The following RIOK1 variants were observed in gnomAD, a reference collection of about 807,000 sequenced individuals.
RIOK1 encodes RIO kinase 1.
RIOK1 carries 66 observed loss-of-function variants against 73.5 expected under a neutral mutation model. The ratio of observed to expected loss-of-function variants is 0.90; its 90% CI spans 0.74 to 1.10. RIOK1 has a LOEUF of 1.10. Among genes scored for constraint, RIOK1 ranks in the 50% least tolerant of loss-of-function variants. The probability of loss-of-function intolerance (pLI) is 0.00; values close to 1 mark genes in which losing one functional copy is unlikely to be tolerated. For synonymous variants in RIOK1, 224 were observed against 226.8 expected (o/e 0.99, Z 0.11); for missense variants, 658 against 699.8 (o/e 0.94, Z 0.67).
At chr6:7,410,476 C>G (rs778472673) in intron 13 of RIOK1, 25 bp downstream of exon 13, 2 of 1,521,214 alleles carry the variant, frequency 1.3e-6, no homozygotes, top group Non-Finnish European at 1.8e-6. Context: ...CTATTCACAG[C>G]CTTTGGAAAC....
chr6:7,398,573 C>G, intron 4 of RIOK1, 125 bp from the exon 5 acceptor site: 1 of 676,284 alleles, frequency 1.5e-6, no homozygotes, highest in South Asian at 1.9e-5. Flanking sequence ...ACAATCATAT[C>G]ATAAAATCTG....
At chr6:7,404,331 G>T in intron 9 of RIOK1, 87 bp from the exon 10 acceptor site, 4 of 1,454,394 alleles carry the variant, frequency 2.8e-6, no homozygotes, top group Non-Finnish European at 3.8e-6. Context: ...CACATGATGA[G>T]TTGTAGAAGA....
At position 7,404,648 on chromosome 6, in the gene RIOK1, C is replaced by T. The variant is rs1318172486; in HGVS notation, c.992+93C>T. On this transcript the variant is annotated intron_variant, in intron 10 of 16. Transcript: ENST00000379834. ...ATCCCAATCCAAGAAGTCACACTAA[C>T]TTCTGAAGTTTTATTGTTGACTTCC... 2.1e-6 allele frequency: 3 copies of T among 1,450,930 alleles called. No individual in the cohort carries two copies. In the African/African-American group the frequency reaches 4.2e-5, roughly 20 times the overall value. 89.9% of individuals were successfully genotyped at this position (1,450,930 alleles called of 1,614,324 possible).
chr6:7,414,093 GTTTTGATGTTTCAGTACAGGATGTTAGT>G (rs1761945579), intron 15 of RIOK1, 117 bp from the exon 16 acceptor site: 1 of 651,062 alleles, frequency 1.5e-6, no homozygotes, highest in African/African-American at 1.9e-5. Context: ...TCATTCTGGT[GTTTTGATGTTTCAGTACAGGATGTTAGT>G]TTTTAACATA....
At chr6:7,402,343 G>A (rs1169537664) in intron 6 of RIOK1, among the ~76,000 whole-genome samples, 1 of 152,134 alleles carries the variant, frequency 6.6e-6, no homozygotes, top group African/African-American at 2.4e-5. Flanking sequence ...ATAGTCTTAC[G>A]GAATCACCTC....
intron 4 of RIOK1, among the ~76,000 whole-genome samples, chr6:7,397,543 A>G (rs371486861): frequency 2.2e-4 from 34 of 152,336 alleles, no homozygotes; most frequent in African/African-American, 7.5e-4. Flanking sequence ...TAAGATCTGA[A>G]TAACTTCTCT....
At chr6:7,413,695 T>C (rs1489335606) in intron 15 of RIOK1, among the ~76,000 whole-genome samples, 2 of 152,228 alleles carry the variant, frequency 1.3e-5, no homozygotes, top group Non-Finnish European at 2.9e-5. Flanking sequence ...TACAATTGAC[T>C]TCTAAAGATC....
At chr6:7,409,267 GTGTTT>G (rs1761828879) in intron 12 of RIOK1, among the ~76,000 whole-genome samples, 1 of 113,582 alleles carries the variant, frequency 8.8e-6, no homozygotes, top group African/African-American at 3.5e-5. Context: ...GTGTGTGTGT[GTGTTT>G]GAGATGGAGT....
chr6:7,401,170 A>G (rs957045208), intron 6 of RIOK1, 120 bp downstream of exon 6: 3 of 688,292 alleles, frequency 4.4e-6, no homozygotes, highest in Non-Finnish European at 7.6e-6. Flanking sequence ...ATACACATTA[A>G]TATTCATGGT....
intron 12 of RIOK1, among the ~76,000 whole-genome samples, chr6:7,409,949 C>T (rs2113525341): frequency 6.6e-6 from 1 of 152,274 alleles, no homozygotes; most frequent in South Asian, 2.1e-4. Context: ...TTCTTCAGTG[C>T]AGCAGCAATA....
Position 7,412,607 on chromosome 6 carries a change from G to A in RIOK1, c.1390-282G>A, listed in dbSNP as rs181460074. 4.8e-4 allele frequency among the ~76,000 whole-genome samples: 72 copies of A among 150,328 alleles called. No homozygotes were observed. In the East Asian group the frequency reaches 5.7e-3, roughly 12 times the overall value. On this transcript the variant is annotated intron_variant, in intron 14 of 16. Transcript: ENST00000379834. ...GTGGAGGTTGCAGTGAGCCAAGATC[G>A]CGCCACTGCACTCCAGCCTAGGCCA... is the stretch of plus-strand genomic sequence containing the variant.
rs1761719696 is a variant in RIOK1 at position 7,405,363 on chromosome 6, G to A, written c.1203+8G>A. 2 of 1,502,892 alleles carry A rather than the reference G, an allele frequency of 1.3e-6. No individual in the cohort carries two copies. The highest frequency in any genetic ancestry group is 1.4e-5 in the African/African-American group (1 of 72,716). 93.1% of individuals were successfully genotyped at this position (1,502,892 alleles called of 1,614,324 possible). On this transcript the variant is annotated splice_region_variant and intron_variant, in intron 12 of 16. Coordinates refer to ENST00000379834, the MANE Select transcript of RIOK1 (RefSeq NM_031480.3). ...GATGCTTATCTCTCAAAGGTAAGAT[G>A]GGGAGAGGAAGGAGGAATAGGAAAT...
Position 7,389,817 on chromosome 6 carries a change from G to T in RIOK1, c.-186G>T. 1.7e-6 allele frequency: 1 copy of T among 602,380 alleles called. No individual in the cohort carries two copies. Among genetic ancestry groups the T allele is most frequent in the Non-Finnish European group, 3.0e-6 (1 of 334,616 alleles). The allele number at this position is 602,380 out of a possible 1,614,324, so 37.3% of individuals were successfully genotyped here. A position where few individuals can be genotyped will look rare whatever the true frequency, so the allele number is the denominator to read the frequency against. On this transcript the variant is annotated 5_prime_UTR_variant, in exon 1 of 17. Coordinates refer to ENST00000379834, the MANE Select transcript of RIOK1 (RefSeq NM_031480.3). The stretch of plus-strand genomic sequence containing the variant: ...CGGGCGAGGCGGTGAGGGGCTTCCG[G>T]TTGGGGTGGCAGGGTGGTGGATCTG...
rs752665943 is a variant in RIOK1 at position 7,410,457 on chromosome 6, A to T, written c.1269+6A>T. The T allele has an allele frequency of 3.3e-5, 52 of 1,597,340 alleles. No homozygotes were observed. Among genetic ancestry groups the T allele is most frequent in the Non-Finnish European group, 3.9e-5 (45 of 1,165,704 alleles). ...AAGATCATGTGGATGAAGAGGTAGG[A>T]TTTATTATCTATTCACAGCCTTTGG... On this transcript the variant is annotated splice_donor_region_variant and intron_variant, in intron 13 of 16. Transcript: ENST00000379834.
intron 15 of RIOK1, 74 bp downstream of exon 15, chr6:7,413,016 T>C (rs1349378206): frequency 5.6e-6 from 4 of 709,230 alleles, no homozygotes; most frequent in African/African-American, 3.8e-5. Flanking sequence ...TCATACTGTT[T>C]TTTATTATTA....
chr6:7,393,822 A>G (rs754743714), intron 2 of RIOK1, among the ~76,000 whole-genome samples: 5 of 152,106 alleles, frequency 3.3e-5, no homozygotes, highest in Non-Finnish European at 7.4e-5. Flanking sequence ...CTTAGTTACA[A>G]GAATGATCCT....
Position 7,393,279 on chromosome 6 carries a change from C to G in RIOK1, c.252C>G (p.Val84=). The G allele has an allele frequency of 1.2e-6, 2 of 1,614,048 alleles. No individual in the cohort carries two copies. The highest frequency in any genetic ancestry group is 1.7e-6 in the Non-Finnish European group (2 of 1,179,974). The change falls in exon 2 of 17, where the codon GTC becomes GTG. Residue 84 remains valine (V), a synonymous_variant. Transcript: ENST00000379834. The stretch of plus-strand genomic sequence containing the variant: ...TTGGAAAACTCGCCAAGGGTTATGT[C>G]TGGAATGGAGGAAGCAACCCACAGG... ...EGVGKLAKGY[V]WNGGSNPQAN...
chr6:7,405,829 A>G (rs912243758), intron 12 of RIOK1, among the ~76,000 whole-genome samples: 4 of 126,618 alleles, frequency 3.2e-5, no homozygotes, highest in African/African-American at 3.0e-5. Flanking sequence ...TCAACTTGAT[A>G]TCCAAGCTTT....
At chr6:7,410,957 A>G (rs1454891880) in intron 13 of RIOK1, among the ~76,000 whole-genome samples, 1 of 152,110 alleles carries the variant, frequency 6.6e-6, no homozygotes, top group Non-Finnish European at 1.5e-5. Context: ...GCAGCTGGGT[A>G]TGTTTCGTAA....
Sources: gnomAD v4.1 joint callset for allele counts (sites outside exome capture counted in the v4.1 genomes callset) on GRCh38, gnomAD v4.1.1 for gene constraint, MANE v1.5 for transcripts, NCBI Gene and HGNC (gene_info 2026-07-23, HGNC 2026-07-21) for gene names.